Variants in SLC4A10 observed in about 807,000 individuals in gnomAD.
SLC4A10 encodes solute carrier family 4 member 10.
In SLC4A10, 42 loss-of-function variants were observed where a neutral mutation model predicts 137.7. The observed-to-expected ratio is 0.30, with a 90% CI of 0.24 to 0.39. The LOEUF (loss-of-function observed/expected upper bound fraction) is 0.39. Ranked by LOEUF, SLC4A10 falls within the 10% of genes least tolerant of loss-of-function variation. The pLI is 1.00. For synonymous variants in SLC4A10, 474 were observed against 464.1 expected, an observed-to-expected ratio of 1.02 and a Z score of -0.27; for missense variants, 925 against 1,355.0, an observed-to-expected ratio of 0.68 and a Z score of 4.98.
chr2:161,841,313 A>T (rs903884036), intron 4 of SLC4A10, among the ~76,000 whole-genome samples: 2 of 152,038 alleles, frequency 1.3e-5, no homozygotes, highest in Non-Finnish European at 2.9e-5. Flanking sequence ...CCTGACCTCA[A>T]GTCCTCTACC....
chr2:161,976,516 A>G (rs1222583882), intron 24 of SLC4A10, among the ~76,000 whole-genome samples: 2 of 152,226 alleles, frequency 1.3e-5, no homozygotes, highest in African/African-American at 4.8e-5. Flanking sequence ...GGATAAAAAG[A>G]GTTCTGGAAA....
At chr2:161,826,794 T>C (rs1208387433) in intron 3 of SLC4A10, among the ~76,000 whole-genome samples, 1 of 152,220 alleles carries the variant, frequency 6.6e-6, no homozygotes, top group Non-Finnish European at 1.5e-5. Context: ...CTTATTTGTC[T>C]ATTTCTGATT....
chr2:161,685,584 G>A (rs1184923535), intron 1 of SLC4A10, among the ~76,000 whole-genome samples: 1 of 150,656 alleles, frequency 6.6e-6, no homozygotes, highest in Non-Finnish European at 1.5e-5. Flanking sequence ...TTCCAGCCTG[G>A]GTGACAGAGG....
rs539585414 is a variant in SLC4A10, at chr2:161,725,931, A to G, written c.49-45042A>G. The stretch of plus-strand genomic sequence containing the variant: ...TTCTGGCATAATATTTACCATGTAT[A>G]ACATTTAAAAGCACACATACTTGCA... On this transcript the variant is annotated intron_variant, in intron 1 of 26. Transcript: ENST00000446997. Among the ~76,000 whole-genome samples, 31 of 152,342 alleles carry G rather than the reference A, an allele frequency of 2.0e-4. No homozygotes were observed. The South Asian group carries it at 6.2e-3, about 31-fold the overall frequency.
intron 21 of SLC4A10, among the ~76,000 whole-genome samples, chr2:161,960,848 G>A (rs1696571957): frequency 6.6e-6 from 1 of 152,158 alleles, no homozygotes; most frequent in Non-Finnish European, 1.5e-5. Context: ...CAAAGGGAGT[G>A]TGGCCCTGGC....
chr2:161,863,203 A>G, intron 6 of SLC4A10, 141 bp downstream of exon 6: 1 of 696,342 alleles, frequency 1.4e-6, no homozygotes, highest in Non-Finnish European at 2.1e-6. Flanking sequence ...TCACATGAGT[A>G]TATATTCTTA....
intron 1 of SLC4A10, among the ~76,000 whole-genome samples, chr2:161,725,815 C>T (rs984603759): frequency 2.6e-5 from 4 of 152,156 alleles, no homozygotes; most frequent in Admixed American, 1.3e-4. Context: ...CCCTATTCAC[C>T]CTGATCCTTT....
chr2:161,922,156 T>C (rs1035609846), intron 15 of SLC4A10, among the ~76,000 whole-genome samples: 2 of 152,162 alleles, frequency 1.3e-5, no homozygotes, highest in African/African-American at 2.4e-5. Context: ...CAAACTTATA[T>C]ATTTAGAGGC....
chr2:161,927,838 C>G (rs1448911079), intron 15 of SLC4A10, among the ~76,000 whole-genome samples: 13 of 152,190 alleles, frequency 8.5e-5, no homozygotes, highest in South Asian at 4.1e-4. Flanking sequence ...TCTCACACCA[C>G]TTAGAATGGC....
chr2:161,864,614 G>T (rs2060626359), intron 6 of SLC4A10, among the ~76,000 whole-genome samples: 1 of 152,080 alleles, frequency 6.6e-6, no homozygotes, highest in South Asian at 2.1e-4. Context: ...AGAGTCTATA[G>T]ATGTGCACAC....
chr2:161,885,516 G>A (rs1218185438), intron 10 of SLC4A10, among the ~76,000 whole-genome samples: 1 of 152,134 alleles, frequency 6.6e-6, no homozygotes, highest in African/African-American at 2.4e-5. Context: ...CCCTCAGTCA[G>A]GGTTCAATAA....
intron 23 of SLC4A10, 139 bp from the exon 24 acceptor site, chr2:161,974,110 G>C (rs1575949184): frequency 3.3e-6 from 2 of 601,370 alleles, no homozygotes; most frequent in East Asian, 5.9e-5. Flanking sequence ...GAAAGGACCT[G>C]TGCTAACATT....
intron 1 of SLC4A10, among the ~76,000 whole-genome samples, chr2:161,743,967 T>C (rs1294264751): frequency 6.6e-6 from 1 of 152,198 alleles, no homozygotes; most frequent in African/African-American, 2.4e-5. Flanking sequence ...ACTACTGATA[T>C]TTTATGTTGA....
intron 10 of SLC4A10, among the ~76,000 whole-genome samples, chr2:161,883,134 T>C (rs1482901254): frequency 6.6e-6 from 1 of 152,174 alleles, no homozygotes; most frequent in Non-Finnish European, 1.5e-5. Context: ...CAACACATTA[T>C]GGAAATTTGT....
intron 10 of SLC4A10, among the ~76,000 whole-genome samples, chr2:161,888,832 G>A (rs2062605779): frequency 1.3e-5 from 2 of 152,168 alleles, no homozygotes; most frequent in Non-Finnish European, 2.9e-5. Flanking sequence ...TTGGATAGGA[G>A]TGGTGAGAGA....
intron 7 of SLC4A10, chr2:161,873,714 G>A: frequency 2.1e-6 from 1 of 475,672 alleles, no homozygotes; most frequent in South Asian, 2.8e-5. Flanking sequence ...AGGTGGGAAT[G>A]GATGGAAGCA....
intron 21 of SLC4A10, among the ~76,000 whole-genome samples, chr2:161,959,389 A>G (rs1209629916): frequency 2.0e-5 from 3 of 152,226 alleles, no homozygotes; most frequent in African/African-American, 7.2e-5. Context: ...CCATGTGGTC[A>G]CTGTCAGGGT....
chr2:161,807,580 T>G (rs543573027), intron 3 of SLC4A10, among the ~76,000 whole-genome samples: 24 of 152,316 alleles, frequency 1.6e-4, no homozygotes, highest in African/African-American at 5.3e-4. Flanking sequence ...AAGTTTGTCT[T>G]TATTTGTTTA....
intron 1 of SLC4A10, among the ~76,000 whole-genome samples, chr2:161,753,905 T>TA (rs58571682): frequency 1.3e-5 from 2 of 151,212 alleles, no homozygotes; most frequent in East Asian, 1.9e-4. Flanking sequence ...TTTATTTATT[T>TA]TTGGGACAGA....
Sources: gnomAD v4.1 joint callset for allele counts (sites outside exome capture counted in the v4.1 genomes callset) on GRCh38, gnomAD v4.1.1 for gene constraint, MANE v1.5 for transcripts, NCBI Gene and HGNC (gene_info 2026-07-23, HGNC 2026-07-21) for gene names.